Variants in GSG1L observed in about 807,000 individuals in gnomAD.
GSG1L encodes GSG1 like.
A neutral mutation model predicts 42.1 loss-of-function variants in GSG1L; 24 were observed. That is an observed-to-expected ratio of 0.57 (90% confidence interval 0.41 to 0.80). The LOEUF (loss-of-function observed/expected upper bound fraction) is 0.80. Ranked by LOEUF, GSG1L falls within the 30% of genes least tolerant of loss-of-function variation. GSG1L has a pLI of 0.00. For missense variants in GSG1L, 445 were observed against 472.2 expected (o/e 0.94, Z 0.53); for synonymous variants, 215 against 203.5 (o/e 1.06, Z -0.48).
rs1453028991 is a variant in GSG1L, at chr16:27,787,875, C to G, written c.*3495G>C. On this transcript the variant is annotated 3_prime_UTR_variant, in exon 7 of 7. Transcript: ENST00000447459. ...CAGGCCCATATATGGCAGCCGCCCT[C>G]TCTTGCATGAGGCCAAAGCCCAAAT... 1 of 152,206 alleles carries G rather than the reference C, an allele frequency of 6.6e-6. No homozygotes were observed. Among genetic ancestry groups the G allele is most frequent in the Non-Finnish European group, 1.5e-5 (1 of 68,058 alleles). 9.4% of individuals were successfully genotyped at this position (152,206 alleles called of 1,614,324 possible).
At chr16:27,962,833 A>G (rs2085085054) in intron 2 of GSG1L, among the ~76,000 whole-genome samples, 2 of 151,932 alleles carry the variant, frequency 1.3e-5, no homozygotes, top group Non-Finnish European at 2.9e-5. Flanking sequence ...AAACCCCAAC[A>G]CCAGTCTTGC....
intron 1 of GSG1L, among the ~76,000 whole-genome samples, chr16:28,049,847 G>T (rs941860835): frequency 6.6e-6 from 1 of 152,124 alleles, no homozygotes; most frequent in African/African-American, 2.4e-5. Context: ...TGTCAAAGAA[G>T]TCTCCCCAAC....
intron 2 of GSG1L, among the ~76,000 whole-genome samples, chr16:27,890,232 G>A (rs1009532317): frequency 1.3e-5 from 2 of 152,194 alleles, no homozygotes; most frequent in South Asian, 2.1e-4. Context: ...CGCTGAGTGG[G>A]ATGGAATGGC....
chr16:27,922,503 G>A (rs2084536926), intron 2 of GSG1L, among the ~76,000 whole-genome samples: 1 of 152,160 alleles, frequency 6.6e-6, no homozygotes, highest in Admixed American at 6.5e-5. Flanking sequence ...CACCTCTGTG[G>A]GAAGATGAGA....
At chr16:27,798,045 G>C (rs563934148) in intron 6 of GSG1L, among the ~76,000 whole-genome samples, 15 of 152,196 alleles carry the variant, frequency 9.9e-5, no homozygotes, top group Non-Finnish European at 2.2e-4. Context: ...GATGGGAGTG[G>C]GGTAAGGGTT....
At chr16:27,838,742 G>A (rs1296349992) in intron 4 of GSG1L, among the ~76,000 whole-genome samples, 1 of 152,180 alleles carries the variant, frequency 6.6e-6, no homozygotes, top group African/African-American at 2.4e-5. Context: ...GGGCACAGAT[G>A]CATAATCCAG....
At chr16:27,921,696 C>T (rs928084179) in intron 2 of GSG1L, among the ~76,000 whole-genome samples, 1 of 152,194 alleles carries the variant, frequency 6.6e-6, no homozygotes, top group African/African-American at 2.4e-5. Flanking sequence ...GTTAGGGGAA[C>T]TGGCTTGATA....
chr16:27,922,852 T>G (rs2084541700), intron 2 of GSG1L, among the ~76,000 whole-genome samples: 2 of 152,272 alleles, frequency 1.3e-5, no homozygotes, highest in South Asian at 4.1e-4. Flanking sequence ...GGTGCAATCA[T>G]AGCTCACTGC....
chr16:27,925,920 G>A (rs1292785487), intron 2 of GSG1L, among the ~76,000 whole-genome samples: 1 of 152,216 alleles, frequency 6.6e-6, no homozygotes, highest in Non-Finnish European at 1.5e-5. Flanking sequence ...AGCAGCCCAG[G>A]AGATTGGAAC....
chr16:27,910,775 A>G (rs2084377863), intron 2 of GSG1L, among the ~76,000 whole-genome samples: 1 of 152,202 alleles, frequency 6.6e-6, no homozygotes, highest in African/African-American at 2.4e-5. Context: ...GCACTTTGGG[A>G]GGCCAAGGCA....
intron 1 of GSG1L, among the ~76,000 whole-genome samples, chr16:28,012,610 G>A (rs2085734024): frequency 6.6e-6 from 1 of 152,102 alleles, no homozygotes; most frequent in South Asian, 2.1e-4. Context: ...TTCTGGCTGG[G>A]CATGGTGGCT....
chr16:27,966,416 T>TA (rs2085134579), intron 1 of GSG1L, among the ~76,000 whole-genome samples: 1 of 151,898 alleles, frequency 6.6e-6, no homozygotes, highest in African/African-American at 2.4e-5. Context: ...GAGGCAGGAG[T>TA]ATCACTTCAG....
At chr16:27,946,409 G>C (rs1453558414) in intron 2 of GSG1L, among the ~76,000 whole-genome samples, 1 of 151,628 alleles carries the variant, frequency 6.6e-6, no homozygotes, top group Non-Finnish European at 1.5e-5. Context: ...GCCGGGTGTG[G>C]TGGCGGGCAC....
At chr16:28,054,489 T>G (rs764239935) in intron 1 of GSG1L, among the ~76,000 whole-genome samples, 1 of 151,824 alleles carries the variant, frequency 6.6e-6, no homozygotes, top group Non-Finnish European at 1.5e-5. Flanking sequence ...ATTAGCCCAG[T>G]GTAGTGGCAG....
rs1423863651 is a variant in GSG1L at position 27,963,181 on chromosome 16, A to G, written c.372T>C (p.Ile124=). ...SGLGEKCRSF[I]DLAPASEKGV... The stretch of plus-strand genomic sequence containing the variant: ...CTTTCTCCGATGCCGGGGCCAGGTC[A>G]ATGAAGCTGCGACATTTTTCACCTT... Residue 124 remains isoleucine (I), a synonymous_variant, in exon 2 of 7, where the codon ATT becomes ATC. Transcript: ENST00000447459. The G allele has an allele frequency of 1.9e-6, 3 of 1,613,796 alleles. No homozygotes were observed. The highest frequency in any genetic ancestry group is 3.3e-5 in the Admixed American group (2 of 60,002).
intron 2 of GSG1L, among the ~76,000 whole-genome samples, chr16:27,946,273 G>A (rs899311826): frequency 2.0e-5 from 3 of 152,032 alleles, no homozygotes; most frequent in Non-Finnish European, 2.9e-5. Context: ...GGTCAGTCGC[G>A]GTGGCTCATG....
At chr16:28,050,787 G>A (rs62031308) in intron 1 of GSG1L, among the ~76,000 whole-genome samples, 10 of 152,246 alleles carry the variant, frequency 6.6e-5, no homozygotes, top group Admixed American at 3.9e-4. Flanking sequence ...AGTTCCAGGG[G>A]TCATTTCTGA....
At chr16:28,061,252 G>C (rs981628141) in intron 1 of GSG1L, among the ~76,000 whole-genome samples, 2 of 152,242 alleles carry the variant, frequency 1.3e-5, no homozygotes, top group Admixed American at 1.3e-4. Context: ...CTCCGTGTGA[G>C]AGATTAGGGT....
chr16:27,868,550 C>T (rs2083760823), intron 3 of GSG1L, among the ~76,000 whole-genome samples: 1 of 151,912 alleles, frequency 6.6e-6, no homozygotes, highest in African/African-American at 2.4e-5. Flanking sequence ...CTAAAACTGG[C>T]ACCCCATGGG....
Sources: allele counts gnomAD v4.1 joint callset (sites outside exome capture counted in the v4.1 genomes callset), GRCh38; gene constraint gnomAD v4.1.1; transcripts MANE v1.5; gene names NCBI Gene and HGNC (gene_info 2026-07-23, HGNC 2026-07-21).